CUL3: variants seen among roughly 807,000 people sequenced by gnomAD.
The protein encoded by CUL3 is cullin-3.
Under a neutral mutation model 89.1 loss-of-function variants are expected in CUL3, and 19 were observed. The ratio of observed to expected loss-of-function variants is 0.21; its 90% CI spans 0.15 to 0.31. The LOEUF (loss-of-function observed/expected upper bound fraction) is 0.31, where lower values mean the gene tolerates loss of function less well. Among genes scored for constraint, CUL3 ranks in the 10% least tolerant of loss-of-function variants. The probability of loss-of-function intolerance (pLI) is 1.00; values close to 1 mark genes in which losing one functional copy is unlikely to be tolerated. For missense variants in CUL3, 469 were observed against 942.3 expected (o/e 0.50, Z 6.58); for synonymous variants, 351 against 308.4 (o/e 1.14, Z -1.45).
chr2:224,503,359 G>A (rs923192468), intron 9 of CUL3, among the ~76,000 whole-genome samples: 1 of 152,068 alleles, frequency 6.6e-6, no homozygotes, highest in African/African-American at 2.4e-5. Flanking sequence ...ACCACACTTT[G>A]TGAAAAAGAA....
In CUL3 at chr2:224,513,587, T is replaced by G. The variant is rs1692922811; in HGVS notation, c.591A>C (p.Gly197=). 1 of 1,603,914 alleles carries G rather than the reference T, an allele frequency of 6.2e-7. No homozygotes were observed. Among genetic ancestry groups the G allele is most frequent in the Admixed American group, 1.7e-5 (1 of 57,426 alleles). The part of the protein sequence containing the change: ...CQMLMILGLE[G]RSVYEEDFEA... ...CAAAATCTTCTTCATAGACTGATCTTCCTTCGAGACCTAAAATCATTAACA... is the reference window on the plus strand; with the variant it reads ...CAAAATCTTCTTCATAGACTGATCTGCCTTCGAGACCTAAAATCATTAACA... Residue 197 remains glycine (G), a synonymous_variant, in exon 5 of 16, where the codon GGA becomes GGC. Coordinates refer to ENST00000264414, the MANE Select transcript of CUL3 (RefSeq NM_003590.5).
At chr2:224,533,064 G>C (rs1693752372) in intron 3 of CUL3, 1 of 152,234 alleles carries the variant, frequency 6.6e-6, no homozygotes, top group Non-Finnish European at 1.5e-5. Flanking sequence ...ATGGAGGTCT[G>C]AAGAGAAATA....
In CUL3 at chr2:224,474,378, T is replaced by C. The variant is rs779923028; in HGVS notation, c.2176-2A>G. On this transcript the variant is annotated splice_acceptor_variant, in intron 15 of 15. Coordinates refer to ENST00000264414, the MANE Select transcript of CUL3 (RefSeq NM_003590.5). LOFTEE classifies it high-confidence loss of function. ...TCGCGCCTTCAACTGCTGAGTTACC[T>C]AAAAAAGAAAGTAGATAGTATTTTT... The C allele has an allele frequency of 6.2e-7, 1 of 1,611,038 alleles. No homozygotes were observed.
At chr2:224,480,777 ATAAAG>A (rs1426779440) in intron 14 of CUL3, among the ~76,000 whole-genome samples, 1 of 152,194 alleles carries the variant, frequency 6.6e-6, no homozygotes, top group African/African-American at 2.4e-5. Flanking sequence ...GCCCAAATGT[ATAAAG>A]TAGTTATGTC....
Position 224,478,332 on chromosome 2 carries a change from T to C in CUL3, c.2043A>G (p.Gln681=). The C allele has an allele frequency of 6.2e-7, 1 of 1,610,544 alleles. No individual in the cohort carries two copies. Among genetic ancestry groups the C allele is most frequent in the Non-Finnish European group, 8.5e-7 (1 of 1,178,880 alleles). Residue 681 remains glutamine (Q), a synonymous_variant, in exon 15 of 16, where the codon CAA becomes CAG. Transcript: ENST00000264414. The stretch of plus-strand genomic sequence containing the variant: ...CTTTCCTCTCTGGGTCGGATTCACC[T>C]TGTTTGGCAGCAACTAAAATAGAAA... ...RVKIQTVAAK[Q]GESDPERKET...
intron 1 of CUL3, among the ~76,000 whole-genome samples, chr2:224,570,401 G>A (rs536021650): frequency 6.6e-6 from 1 of 152,326 alleles, no homozygotes; most frequent in African/African-American, 2.4e-5. Context: ...CTTGTGGCCA[G>A]AGAAACGTGA....
At chr2:224,535,782 T>A in intron 2 of CUL3, 141 bp from the exon 3 acceptor site, 1 of 647,404 alleles carries the variant, frequency 1.5e-6, no homozygotes, top group East Asian at 2.8e-5. Context: ...GTAGAAATAT[T>A]TTAAGCTATA....
At position 224,555,164 on chromosome 2, in the gene CUL3, T is replaced by C. The variant is rs890159531; in HGVS notation, c.264+2495A>G. On this transcript the variant is annotated intron_variant, in intron 2 of 15. Transcript: ENST00000264414. ...CACTCAATTTTCCTCACATGCAAAA[T>C]GATTTCTAAGGTATCTTCCAAGGAT... Among the ~76,000 whole-genome samples, 3 of 152,146 alleles carry C rather than the reference T, an allele frequency of 2.0e-5. No homozygotes were observed. In the East Asian group the frequency reaches 5.8e-4, roughly 29 times the overall value.
At chr2:224,544,941 G>A (rs1694244050) in intron 2 of CUL3, among the ~76,000 whole-genome samples, 1 of 152,036 alleles carries the variant, frequency 6.6e-6, no homozygotes, top group African/African-American at 2.4e-5. Flanking sequence ...GGCAGGTCAG[G>A]AATAAGGACA....
At chr2:224,582,190 C>T (rs768893251) in intron 1 of CUL3, among the ~76,000 whole-genome samples, 3 of 152,144 alleles carry the variant, frequency 2.0e-5, no homozygotes, top group Non-Finnish European at 4.4e-5. Context: ...GGTCTCAAAG[C>T]TCCTGACCTC....
chr2:224,558,765 G>A (rs1694805153), intron 1 of CUL3, among the ~76,000 whole-genome samples: 1 of 152,152 alleles, frequency 6.6e-6, no homozygotes. Flanking sequence ...TCCCTTGGCT[G>A]GGCGCAGTGG....
chr2:224,521,963 G>A (rs966964624), intron 3 of CUL3, among the ~76,000 whole-genome samples: 2 of 149,772 alleles, frequency 1.3e-5, no homozygotes, highest in East Asian at 3.9e-4. Context: ...AAGAGAATAC[G>A]AAAAGACAAA....
chr2:224,529,905 A>C (rs1268991379), intron 3 of CUL3, among the ~76,000 whole-genome samples: 2 of 152,194 alleles, frequency 1.3e-5, no homozygotes, highest in Non-Finnish European at 2.9e-5. Flanking sequence ...CCATAGTTTA[A>C]TGCATAACAT....
At chr2:224,486,954 G>C (rs1018254839) in intron 13 of CUL3, among the ~76,000 whole-genome samples, 5 of 152,092 alleles carry the variant, frequency 3.3e-5, no homozygotes, top group Non-Finnish European at 4.4e-5. Context: ...AGTGGGGGGG[G>C]CCAATATTCA....
intron 2 of CUL3, among the ~76,000 whole-genome samples, chr2:224,546,694 C>T (rs1304766865): frequency 6.6e-6 from 1 of 151,612 alleles, no homozygotes; most frequent in African/African-American, 2.4e-5. Context: ...CCTCAAAGTA[C>T]AGTCTACCTA....
chr2:224,531,823 G>C (rs1693706398), intron 3 of CUL3, among the ~76,000 whole-genome samples: 1 of 152,096 alleles, frequency 6.6e-6, no homozygotes, highest in African/African-American at 2.4e-5. Context: ...ATTTCAACAG[G>C]GCAGTGACAT....
intron 5 of CUL3, among the ~76,000 whole-genome samples, chr2:224,512,747 C>T (rs1266889229): frequency 2.6e-5 from 4 of 152,088 alleles, no homozygotes; most frequent in Admixed American, 1.3e-4. Context: ...TGACTAAAAG[C>T]CTGCAGATGA....
intron 13 of CUL3, among the ~76,000 whole-genome samples, chr2:224,483,619 T>C (rs919588133): frequency 2.7e-4 from 41 of 152,334 alleles, no homozygotes; most frequent in Admixed American, 7.2e-4. Context: ...TATATGCATA[T>C]ACATGAACGT....
chr2:224,489,232 A>C (rs549196025), intron 13 of CUL3, among the ~76,000 whole-genome samples: 31 of 152,364 alleles, frequency 2.0e-4, no homozygotes, highest in African/African-American at 6.7e-4. Context: ...ACTGCTATTC[A>C]ACATAGGATT....
Sources: gnomAD v4.1 joint callset for allele counts (sites outside exome capture counted in the v4.1 genomes callset) on GRCh38, gnomAD v4.1.1 for gene constraint, MANE v1.5 for transcripts, NCBI Gene and HGNC (gene_info 2026-07-23, HGNC 2026-07-21) for gene names.